Variants in STPG2 observed in about 807,000 individuals in gnomAD.
The protein encoded by STPG2 is sperm tail PG-rich repeat containing 2, also known as sperm-tail PG-rich repeat-containing protein 2.
Under a neutral mutation model 54.2 loss-of-function variants are expected in STPG2, and 56 were observed. That is an observed-to-expected ratio of 1.03 (90% CI 0.83 to 1.29). The LOEUF is 1.29. STPG2 is among the 50% of genes most tolerant of loss of function. The pLI is 0.00. For missense variants in STPG2, 596 were observed against 544.9 expected, an observed-to-expected ratio of 1.09 and a Z score of -0.93; for synonymous variants, 200 against 181.8, an observed-to-expected ratio of 1.10 and a Z score of -0.81.
Position 97,991,775 on chromosome 4 carries a change from T to A in STPG2, c.613-10457A>T, listed in dbSNP as rs184592350. On this transcript the variant is annotated intron_variant, in intron 5 of 10. Transcript: ENST00000295268. The stretch of plus-strand genomic sequence containing the variant: ...CATCCATGCCAACATCTAATTTTTT[T>A]AAATTTTTTTATTATGACCATTCTT... Among the ~76,000 whole-genome samples the A allele has an allele frequency of 3.0e-3, 450 of 152,250 alleles. 2 individuals carry two copies. The highest frequency in any genetic ancestry group is 1.0e-2 in the African/African-American group (415 of 41,572).
intron 10 of STPG2, among the ~76,000 whole-genome samples, chr4:97,566,324 C>A (rs1732439690): frequency 6.6e-6 from 1 of 152,148 alleles, no homozygotes; most frequent in Non-Finnish European, 1.5e-5. Flanking sequence ...ACCTGATTTT[C>A]CAGGTGCCGT....
intron 4 of STPG2, among the ~76,000 whole-genome samples, chr4:97,498,899 A>C (rs1049096222): frequency 2.0e-5 from 3 of 152,012 alleles, no homozygotes; most frequent in Non-Finnish European, 4.4e-5. Context: ...CAGAATATGC[A>C]GCCAGAAAAA....
chr4:98,009,825 A>G (rs1017809720), intron 5 of STPG2, among the ~76,000 whole-genome samples: 8 of 151,974 alleles, frequency 5.3e-5, no homozygotes, highest in African/African-American at 1.9e-4. Flanking sequence ...TATCATTCAT[A>G]GTTCAATCTC....
intron 7 of STPG2, among the ~76,000 whole-genome samples, chr4:97,970,461 A>C (rs998308897): frequency 2.0e-5 from 3 of 152,068 alleles, no homozygotes; most frequent in Non-Finnish European, 4.4e-5. Flanking sequence ...CCAAAACAGA[A>C]ATACAGACCA....
intron 8 of STPG2, among the ~76,000 whole-genome samples, chr4:97,878,566 G>C (rs1344657420): frequency 6.6e-6 from 1 of 152,158 alleles, no homozygotes; most frequent in Non-Finnish European, 1.5e-5. Flanking sequence ...GCTGTACCTT[G>C]CTCCATTTTA....
intron 4 of STPG2, among the ~76,000 whole-genome samples, chr4:97,480,214 A>C (rs992429039): frequency 1.3e-5 from 2 of 151,786 alleles, no homozygotes; most frequent in Non-Finnish European, 3.0e-5. Flanking sequence ...ATTCCATGAA[A>C]GATACAAACC....
intron 8 of STPG2, among the ~76,000 whole-genome samples, chr4:97,887,307 G>A (rs1052467236): frequency 6.6e-6 from 1 of 152,178 alleles, no homozygotes; most frequent in Non-Finnish European, 1.5e-5. Flanking sequence ...TGGTTCAATG[G>A]TTATGACCAA....
chr4:97,503,332 A>C (rs1009275311), intron 4 of STPG2, among the ~76,000 whole-genome samples: 3 of 152,072 alleles, frequency 2.0e-5, no homozygotes, highest in African/African-American at 7.2e-5. Flanking sequence ...AGTAAGTTAA[A>C]TTTGTTTCTG....
intron 9 of STPG2, among the ~76,000 whole-genome samples, chr4:97,736,577 G>A (rs1725003268): frequency 6.6e-6 from 1 of 152,152 alleles, no homozygotes. Flanking sequence ...TGGCTCAGAG[G>A]GTCCTATGCC....
intron 5 of STPG2, among the ~76,000 whole-genome samples, chr4:98,070,451 T>G (rs1249937720): frequency 6.6e-6 from 1 of 152,022 alleles, no homozygotes; most frequent in Admixed American, 6.6e-5. Context: ...CCTTGAAAAC[T>G]GGCACAAGAC....
intron 5 of STPG2, among the ~76,000 whole-genome samples, chr4:98,009,205 T>G (rs1045937945): frequency 6.6e-6 from 1 of 152,106 alleles, no homozygotes; most frequent in Non-Finnish European, 1.5e-5. Flanking sequence ...TCTTTTTTGA[T>G]GTAGGCGTTT....
intron 3 of STPG2, among the ~76,000 whole-genome samples, chr4:98,117,321 T>C (rs1276757611): frequency 6.6e-6 from 1 of 152,002 alleles, no homozygotes; most frequent in Non-Finnish European, 1.5e-5. Flanking sequence ...ATATGATATG[T>C]CACTTTTTTC....
rs141356332 is a variant in STPG2 at position 98,085,006 on chromosome 4, C to T, written c.612+20947G>A. Among the ~76,000 whole-genome samples the T allele has an allele frequency of 6.1e-4, 93 of 152,110 alleles. No homozygotes were observed. The East Asian group carries it at 0.016, about 27-fold the overall frequency. ...TTTTATGGTTCATACTTTTTGTACC[C>T]TATCTAAATAACATTTTCTTACCCC... On this transcript the variant is annotated intron_variant, in intron 5 of 10. Transcript: ENST00000295268.
At chr4:97,599,883 A>G (rs1733412707) in intron 10 of STPG2, among the ~76,000 whole-genome samples, 1 of 152,024 alleles carries the variant, frequency 6.6e-6, no homozygotes, top group Non-Finnish European at 1.5e-5. Context: ...TGTGGCACAT[A>G]TACTCCATGA....
chr4:97,595,225 A>G (rs1302301057), intron 10 of STPG2, among the ~76,000 whole-genome samples: 1 of 152,202 alleles, frequency 6.6e-6, no homozygotes, highest in African/African-American at 2.4e-5. Context: ...GATAGACTGG[A>G]TTAAGAAAAT....
intron 9 of STPG2, among the ~76,000 whole-genome samples, chr4:97,831,059 A>G (rs1429427519): frequency 6.6e-6 from 1 of 152,230 alleles, no homozygotes; most frequent in Admixed American, 6.5e-5. Context: ...CCCCAAATCA[A>G]AAGAATATAC....
chr4:98,036,210 G>C (rs181663215), intron 5 of STPG2, among the ~76,000 whole-genome samples: 1 of 152,202 alleles, frequency 6.6e-6, no homozygotes, highest in South Asian at 2.1e-4. Flanking sequence ...CTGTTGGTGC[G>C]ACTGTAAATT....
Position 97,853,331 on chromosome 4 carries a change from G to A in STPG2, c.1045-12399C>T, listed in dbSNP as rs1378008450. 3.3e-5 allele frequency among the ~76,000 whole-genome samples: 5 copies of A among 152,182 alleles called. No individual in the cohort carries two copies. In the East Asian group the frequency reaches 7.7e-4, roughly 24 times the overall value. On this transcript the variant is annotated intron_variant, in intron 8 of 10. Transcript: ENST00000295268. Reference sequence around the variant, plus strand: ...ACTCCCATCTGTTGCCAGATTTATAGTGCTTATGTGACACCAAAAAATTGT... The same window carrying A: ...ACTCCCATCTGTTGCCAGATTTATAATGCTTATGTGACACCAAAAAATTGT...
At chr4:97,496,322 C>A (rs933076996) in intron 4 of STPG2, among the ~76,000 whole-genome samples, 3 of 151,598 alleles carry the variant, frequency 2.0e-5, no homozygotes, top group Non-Finnish European at 4.4e-5. Context: ...AACAGAATGT[C>A]CTTTGTATCC....
Sources: gnomAD v4.1 joint callset for allele counts (sites outside exome capture counted in the v4.1 genomes callset) on GRCh38, gnomAD v4.1.1 for gene constraint, MANE v1.5 for transcripts, NCBI Gene and HGNC (gene_info 2026-07-23, HGNC 2026-07-21) for gene names.